Variants in CCR6 observed in about 807,000 individuals in gnomAD.
CCR6 encodes the protein C-C motif chemokine receptor 6, also known as C-C chemokine receptor type 6.
In CCR6, 2 loss-of-function variants were observed where a neutral mutation model predicts 3.0. The observed-to-expected ratio is 0.66, with a 90% CI of 0.27 to 2.07. The LOEUF (loss-of-function observed/expected upper bound fraction) is 2.07. Ranked by LOEUF, CCR6 falls within the 30% of genes most tolerant of loss-of-function variation. The pLI, the probability that CCR6 is intolerant of heterozygous loss-of-function variation, is 0.14. For missense variants in CCR6, 322 were observed against 462.8 expected (o/e 0.70, Z 2.79); for synonymous variants, 193 against 184.3 (o/e 1.05, Z -0.38).
At position 167,136,169 on chromosome 6, in the gene CCR6, G is replaced by T; in HGVS notation, c.9+26G>T. 1.9e-6 allele frequency: 3 copies of T among 1,613,304 alleles called. No homozygotes were observed. The highest frequency in any genetic ancestry group is 1.1e-5 in the South Asian group (1 of 90,808). ...GTAAGATTTTTATTTTTGGCAAGGG[G>T]TATAATTTGGGTTCACTGTGGCTAC... On this transcript the variant is annotated intron_variant, in intron 2 of 2. Coordinates refer to ENST00000341935, the MANE Select transcript of CCR6 (RefSeq NM_031409.4). The surrounding 1 kb of genome is among the most constrained non-coding windows in gnomAD (Gnocchi z 4.6).
chr6:167,113,961 A>T (rs766309218), intron 1 of CCR6, among the ~76,000 whole-genome samples: 4 of 152,268 alleles, frequency 2.6e-5, no homozygotes, highest in African/African-American at 4.8e-5. Context: ...GGGCAGGGCA[A>T]GGAAGAGGTT....
Position 167,137,245 on chromosome 6 carries a change from A to G in CCR6, c.1015A>G (p.Arg339Gly), listed in dbSNP as rs779738745. ...KILKDLWCVR[R>G]KYKSSGFSCA... The stretch of plus-strand genomic sequence containing the variant: ...CTTGAAGGACCTGTGGTGTGTGAGA[A>G]GGAAGTACAAGTCCTCAGGCTTCTC... The change falls in exon 3 of 3, where the codon AGG (arginine) becomes GGG (glycine). Residue 339 changes from arginine to glycine, a missense_variant. By Grantham distance (125) the Arg-to-Gly change is moderately radical. Transcript: ENST00000341935. The surrounding 1 kb of genome is among the most constrained non-coding windows in gnomAD (Gnocchi z 4.6). 6.2e-7 allele frequency: 1 copy of G among 1,614,202 alleles called. No individual in the cohort carries two copies. The highest frequency in any genetic ancestry group is 1.1e-5 in the South Asian group (1 of 91,060).
upstream of CCR6, chr6:167,120,985 G>A: frequency 6.6e-6 from 1 of 152,276 alleles, no homozygotes; most frequent in East Asian, 1.9e-4. Context: ...ACATTGCAGA[G>A]GTCAGTGCCA....
At chr6:167,123,765 A>G (rs533858812) in intron 1 of CCR6, among the ~76,000 whole-genome samples, 1 of 152,174 alleles carries the variant, frequency 6.6e-6, no homozygotes, top group Admixed American at 6.5e-5. Context: ...TGCCAATGCC[A>G]CTGTGATTAT....
At chr6:167,129,313 C>T (rs186292680) in intron 1 of CCR6, 1 of 152,446 alleles carries the variant, frequency 6.6e-6, no homozygotes, top group Admixed American at 6.5e-5. Flanking sequence ...CTGTTACCAC[C>T]AAGGCTTGGA....
At chr6:167,119,014 T>G (rs1173949675), upstream of CCR6, among the ~76,000 whole-genome samples, 2 of 152,154 alleles carry the variant, frequency 1.3e-5, no homozygotes, top group Non-Finnish European at 2.9e-5. Context: ...CCCACAGACG[T>G]CTGTGTCTTT....
chr6:167,130,871 A>G (rs1043463006), intron 1 of CCR6, among the ~76,000 whole-genome samples: 2 of 139,146 alleles, frequency 1.4e-5, no homozygotes, highest in Non-Finnish European at 3.0e-5. Context: ...TCTGCCGGGA[A>G]CTTCCTGCCC....
intron 1 of CCR6, among the ~76,000 whole-genome samples, chr6:167,135,592 C>T (rs887330436): frequency 5.3e-5 from 8 of 152,218 alleles, no homozygotes; most frequent in East Asian, 1.9e-4. Flanking sequence ...ATTTTCTATG[C>T]GCTTTCACAC....
chr6:167,131,978 C>G (rs1562560042), intron 1 of CCR6, among the ~76,000 whole-genome samples: 2 of 152,144 alleles, frequency 1.3e-5, no homozygotes, highest in Non-Finnish European at 2.9e-5. Flanking sequence ...TTGTGTCGCC[C>G]AACCCCAGCC....
rs1183741225 is a variant in CCR6, at chr6:167,133,932, G to GTGTATATATATATATATATATA, written c.-97-2105_-97-2104insGTATATATATATATATATATAT. Among the ~76,000 whole-genome samples, 285 of 110,342 alleles carry GTGTATATATATATATATATATA rather than the reference G, an allele frequency of 2.6e-3. 32 individuals are homozygous for GTGTATATATATATATATATATA. The highest frequency in any genetic ancestry group is 5.2e-3 in the Middle Eastern group (1 of 194). 72.4% of individuals were successfully genotyped at this position (110,342 alleles called of 152,430 possible). On this transcript the variant is annotated intron_variant, in intron 1 of 2. Transcript: ENST00000341935. ...ATACTATTATATATGATATATGTGT[G>GTGTATATATATATATATATATA]TATATATATATATATATATATATAT...
At chr6:167,128,132 C>A (rs1055393544) in intron 1 of CCR6, among the ~76,000 whole-genome samples, 1 of 152,218 alleles carries the variant, frequency 6.6e-6, no homozygotes, top group African/African-American at 2.4e-5. Flanking sequence ...GCAGTGGGTC[C>A]AACTAGATAA....
intron 1 of CCR6, among the ~76,000 whole-genome samples, chr6:167,125,099 TACAC>T (rs1444967615): frequency 3.3e-5 from 5 of 151,722 alleles, no homozygotes; most frequent in African/African-American, 7.3e-5. Context: ...GACACATACA[TACAC>T]ACACACCGAC....
intron 1 of CCR6, chr6:167,131,221 C>A (rs3798315): frequency 2.0e-5 from 3 of 152,200 alleles, no homozygotes; most frequent in Non-Finnish European, 4.4e-5. Context: ...AGCTCAAGTA[C>A]GCGTTGAGTC....
intron 1 of CCR6, chr6:167,129,699 A>G (rs1335223307): frequency 2.0e-5 from 3 of 151,738 alleles, no homozygotes. Context: ...TCAATGAGAT[A>G]TGCCTTCCTG....
At chr6:167,116,964 C>G (rs1334616141) in intron 1 of CCR6, 6 of 152,220 alleles carry the variant, frequency 3.9e-5, no homozygotes, top group Admixed American at 3.9e-4. Context: ...TGACCCGTCC[C>G]GTGGGTGAGG....
chr6:167,133,964 A>G lies in CCR6; in HGVS notation c.-97-2074A>G, dbSNP rs12055397. 1.6e-3 allele frequency among the ~76,000 whole-genome samples: 179 copies of G among 111,810 alleles called. 4 individuals carry two copies. The South Asian group carries it at 0.023, about 14-fold the overall frequency. The allele number at this position is 111,810 out of a possible 152,430, so 73.4% of individuals were successfully genotyped here. A position where few individuals can be genotyped will look rare whatever the true frequency, so the allele number is the denominator to read the frequency against. ...TATATATATATATATATATATATATATATATAGTTTTAACATCCAAATGGT... is the reference window on the plus strand; with the variant it reads ...TATATATATATATATATATATATATGTATATAGTTTTAACATCCAAATGGT... On this transcript the variant is annotated intron_variant, in intron 1 of 2. Coordinates refer to ENST00000341935, the MANE Select transcript of CCR6 (RefSeq NM_031409.4).
chr6:167,134,098 A>G (rs903489558), intron 1 of CCR6, among the ~76,000 whole-genome samples: 1 of 151,224 alleles, frequency 6.6e-6, no homozygotes, highest in Non-Finnish European at 1.5e-5. Context: ...TTCTCACTGT[A>G]TTTGTTCTCC....
chr6:167,128,113 C>T (rs1781698381), intron 1 of CCR6, among the ~76,000 whole-genome samples: 1 of 152,232 alleles, frequency 6.6e-6, no homozygotes, highest in South Asian at 2.1e-4. Context: ...CCTCTAGGGA[C>T]TCGTGATTGC....
Position 167,137,239 on chromosome 6 carries a change from G to A in CCR6, c.1009G>A (p.Val337Met), listed in dbSNP as rs1281066909. The A allele has an allele frequency of 2.5e-6, 4 of 1,614,074 alleles. No individual in the cohort carries two copies. Among genetic ancestry groups the A allele is most frequent in the African/African-American group, 1.3e-5 (1 of 74,926 alleles). ...FLKILKDLWC[V>M]RRKYKSSGFS... ...GAAGATCTTGAAGGACCTGTGGTGT[G>A]TGAGAAGGAAGTACAAGTCCTCAGG... The change falls in exon 3 of 3, where the codon GTG becomes ATG. Residue 337 changes from valine (V) to methionine (M), a missense_variant. Physicochemically the swap from Val to Met is conservative, Grantham distance 21. Transcript: ENST00000341935. The surrounding 1 kb of genome is among the most constrained non-coding windows in gnomAD (Gnocchi z 4.6).
Sources: allele counts gnomAD v4.1 joint callset (sites outside exome capture counted in the v4.1 genomes callset), GRCh38; gene constraint gnomAD v4.1.1; non-coding constraint Gnocchi (gnomAD v3.1); transcripts MANE v1.5; gene names NCBI Gene and HGNC (gene_info 2026-07-23, HGNC 2026-07-21).